The following CBR4 variants were observed in gnomAD, a reference collection of about 807,000 sequenced individuals.
The protein encoded by CBR4 is carbonyl reductase 4.
CBR4 carries 22 observed loss-of-function variants against 21.0 expected under a neutral mutation model. The observed-to-expected ratio is 1.05, with a 90% CI of 0.75 to 1.50. CBR4 has a LOEUF of 1.50. Ranked by LOEUF, CBR4 falls within the 40% of genes most tolerant of loss-of-function variation. The pLI, the probability that CBR4 is intolerant of heterozygous loss-of-function variation, is 0.00. For missense variants in CBR4, 302 were observed against 286.3 expected (o/e 1.05, Z -0.40); for synonymous variants, 100 against 104.4 (o/e 0.96, Z 0.26).
intron 2 of CBR4, chr4:168,921,468 C>T: frequency 1.1e-6 from 1 of 941,426 alleles, no homozygotes; most frequent in East Asian, 3.2e-5. Flanking sequence ...ATGCAGACTT[C>T]TTAGCTACCA....
chr4:168,992,656 A>G (rs1764982078), intron 4 of CBR4, among the ~76,000 whole-genome samples: 1 of 152,228 alleles, frequency 6.6e-6, no homozygotes, highest in African/African-American at 2.4e-5. Context: ...CTAATGACTG[A>G]AAAAAGTACT....
At chr4:169,000,199 A>G (rs1203213961) in intron 4 of CBR4, among the ~76,000 whole-genome samples, 2 of 152,204 alleles carry the variant, frequency 1.3e-5, no homozygotes, top group Admixed American at 1.3e-4. Flanking sequence ...CTAAAAATCA[A>G]TCAGCTTGCA....
chr4:168,924,043 GAATT>G (rs1258679759), intron 2 of CBR4, among the ~76,000 whole-genome samples: 8 of 152,156 alleles, frequency 5.3e-5, no homozygotes, highest in Non-Finnish European at 1.2e-4. Flanking sequence ...TATCAGACTT[GAATT>G]AATTGAGGAA....
At chr4:168,981,812 T>C (rs545917855) in intron 2 of CBR4, among the ~76,000 whole-genome samples, 7 of 152,272 alleles carry the variant, frequency 4.6e-5, no homozygotes, top group African/African-American at 1.7e-4. Flanking sequence ...GCAGCCAAAC[T>C]AAGCTTCATA....
At chr4:168,982,244 C>T (rs1277399492) in intron 2 of CBR4, among the ~76,000 whole-genome samples, 1 of 151,950 alleles carries the variant, frequency 6.6e-6, no homozygotes, top group Non-Finnish European at 1.5e-5. Flanking sequence ...AAATGGAAAA[C>T]AAAAAGGAGC....
chr4:168,933,197 T>C (rs563857226), intron 2 of CBR4, among the ~76,000 whole-genome samples: 6 of 151,874 alleles, frequency 4.0e-5, no homozygotes, highest in African/African-American at 1.4e-4. Context: ...TAAATTAAAT[T>C]CCCCAATTAA....
chr4:168,913,357 T>C (rs549035571), intron 2 of CBR4, among the ~76,000 whole-genome samples: 10 of 152,206 alleles, frequency 6.6e-5, no homozygotes, highest in Admixed American at 2.0e-4. Flanking sequence ...CAGGCTGGGC[T>C]CGAACTCCTG....
intron 2 of CBR4, among the ~76,000 whole-genome samples, chr4:168,962,758 A>G (rs1763899864): frequency 6.6e-6 from 1 of 152,240 alleles, no homozygotes; most frequent in East Asian, 1.9e-4. Context: ...TTGAATAAGA[A>G]GACAGCCCAG....
rs965026491 is a variant in CBR4 at position 168,898,390 on chromosome 4, T to G, written n.170-3625A>C. ...CAGACTGTGTTTTTAAGCTGTATGG[T>G]AAAAATATCACTGTCTTCTAGGGCC... is the stretch of plus-strand genomic sequence containing the variant. On this transcript the variant is annotated intron_variant and non_coding_transcript_variant, in intron 2 of 3. Transcript: ENST00000509108. The G allele has an allele frequency of 5.2e-6, 4 of 773,100 alleles. No individual in the cohort carries two copies. In the African/African-American group the frequency reaches 6.9e-5, roughly 13 times the overall value. 47.9% of individuals were successfully genotyped at this position (773,100 alleles called of 1,614,324 possible).
chr4:168,928,528 A>G, intron 2 of CBR4: 1 of 164,268 alleles, frequency 6.1e-6, no homozygotes. Context: ...TCACTCATTT[A>G]TTACTCACAG....
intron 1 of CBR4, among the ~76,000 whole-genome samples, chr4:169,008,321 G>GA (rs1313665695): frequency 6.6e-6 from 1 of 151,186 alleles, no homozygotes; most frequent in Non-Finnish European, 1.5e-5. Flanking sequence ...ACCACGGGGG[G>GA]AAAAAAACAC....
chr4:168,959,113 G>GC (rs1336252353), intron 2 of CBR4, among the ~76,000 whole-genome samples: 1 of 151,902 alleles, frequency 6.6e-6, no homozygotes, highest in Admixed American at 6.6e-5. Flanking sequence ...AGGAATCACT[G>GC]CCTACCCCAA....
chr4:168,906,988 C>A (rs147582336), intron 2 of CBR4, among the ~76,000 whole-genome samples: 1 of 152,284 alleles, frequency 6.6e-6, no homozygotes, highest in East Asian at 1.9e-4. Flanking sequence ...CCATGCAGTA[C>A]AGGGGTTATG....
intron 2 of CBR4, among the ~76,000 whole-genome samples, chr4:168,930,211 TTG>T (rs1469815364): frequency 1.3e-5 from 2 of 152,198 alleles, no homozygotes; most frequent in East Asian, 1.9e-4. Flanking sequence ...TAAAAATAAT[TTG>T]TTTTATGTAT....
chr4:168,990,766 T>C (rs1764879350), intron 4 of CBR4, among the ~76,000 whole-genome samples: 1 of 151,640 alleles, frequency 6.6e-6, no homozygotes. Flanking sequence ...TAAAATAGTT[T>C]TGTTGGCCAG....
At chr4:168,897,412 A>C (rs887395021) in intron 2 of CBR4, among the ~76,000 whole-genome samples, 1 of 152,164 alleles carries the variant, frequency 6.6e-6, no homozygotes, top group Admixed American at 6.5e-5. Flanking sequence ...TTTAATATTA[A>C]ATAGGGAATA....
At chr4:168,917,142 A>G (rs1310675119) in intron 2 of CBR4, among the ~76,000 whole-genome samples, 1 of 142,388 alleles carries the variant, frequency 7.0e-6, no homozygotes, top group Non-Finnish European at 1.5e-5. Context: ...TCCACCTCCC[A>G]GGTTCAAGTG....
Position 168,988,691 on chromosome 4 carries a change from T to G in CBR4, c.*1459A>C. ...TCTTGCATTTAATAGACAATTTGTT[T>G]AATGATACTAACTTTACTCACACTT... On this transcript the variant is annotated 3_prime_UTR_variant, in exon 5 of 5. Transcript: ENST00000306193. 1 of 978,762 alleles carries G rather than the reference T, an allele frequency of 1.0e-6. No homozygotes were observed. The highest frequency in any genetic ancestry group is 1.2e-6 in the Non-Finnish European group (1 of 823,796). The allele number at this position is 978,762 out of a possible 1,614,324, so 60.6% of individuals were successfully genotyped here.
chr4:168,978,537 A>C (rs769449090), intron 2 of CBR4, among the ~76,000 whole-genome samples: 14 of 152,284 alleles, frequency 9.2e-5, no homozygotes, highest in Admixed American at 7.2e-4. Context: ...CCTGCAGGAA[A>C]ATGGTGAATA....
Sources: gnomAD v4.1 joint callset for allele counts (sites outside exome capture counted in the v4.1 genomes callset) on GRCh38, gnomAD v4.1.1 for gene constraint, MANE v1.5 for transcripts, NCBI Gene and HGNC (gene_info 2026-07-23, HGNC 2026-07-21) for gene names.